SLC12A6: variants seen among roughly 807,000 people sequenced by gnomAD.
SLC12A6 encodes K-Cl cotransporter 3.
SLC12A6 carries 66 observed loss-of-function variants against 135.3 expected under a neutral mutation model. That is an observed-to-expected ratio of 0.49 (90% confidence interval 0.40 to 0.60). The LOEUF (loss-of-function observed/expected upper bound fraction) is 0.60, where lower values mean the gene tolerates loss of function less well. Among genes scored for constraint, SLC12A6 ranks in the 20% least tolerant of loss-of-function variants. SLC12A6 has a pLI of 0.00. For missense variants in SLC12A6, 1,058 were observed against 1,452.3 expected, an observed-to-expected ratio of 0.73 and a Z score of 4.41; for synonymous variants, 513 against 508.8, an observed-to-expected ratio of 1.01 and a Z score of -0.11.
At chr15:34,236,871 A>C in intron 22 of SLC12A6, 56 bp from the exon 23 acceptor site, 2 of 975,322 alleles carry the variant, frequency 2.1e-6, no homozygotes, top group Admixed American at 3.4e-5. Flanking sequence ...AGAAGGATGA[A>C]CCATACATTT....
chr15:34,274,630 T>C (rs1308631913), intron 3 of SLC12A6, among the ~76,000 whole-genome samples: 1 of 152,184 alleles, frequency 6.6e-6, no homozygotes, highest in East Asian at 1.9e-4. Context: ...CTGGCCGACA[T>C]GGTGAAACCC....
At chr15:34,300,813 A>G (rs1160246048) in intron 2 of SLC12A6, among the ~76,000 whole-genome samples, 1 of 151,242 alleles carries the variant, frequency 6.6e-6, no homozygotes, top group Non-Finnish European at 1.5e-5. Context: ...AAAAAAAAAA[A>G]AAGAATGAGA....
At position 34,236,756 on chromosome 15, in the gene SLC12A6, G is replaced by A. The variant is rs1217075969; in HGVS notation, c.2994C>T (p.Ser998=). 2 of 1,612,492 alleles carry A rather than the reference G, an allele frequency of 1.2e-6. No homozygotes were observed. The highest frequency in any genetic ancestry group is 1.7e-4 in the Middle Eastern group (1 of 6,060). The change falls in exon 23 of 26, where the codon TCC becomes TCT. Residue 998 remains serine, a synonymous_variant. Coordinates refer to ENST00000354181, the MANE Select transcript of SLC12A6 (RefSeq NM_001365088.1). ...ATAGCCGCATGTGCCGGAGCATCTG[G>A]GACCTTTGTTCCATCATCAAAGTGC... The part of the protein sequence containing the change: ...YERTLMMEQR[S]QMLRHMRLSK...
At chr15:34,285,197 A>C (rs1341630186) in intron 2 of SLC12A6, among the ~76,000 whole-genome samples, 2 of 152,236 alleles carry the variant, frequency 1.3e-5, no homozygotes, top group African/African-American at 4.8e-5. Flanking sequence ...GGGACCAAGC[A>C]AATAAACAGA....
chr15:34,333,128 C>T (rs770354887), intron 2 of SLC12A6, among the ~76,000 whole-genome samples: 4 of 151,344 alleles, frequency 2.6e-5, no homozygotes, highest in Non-Finnish European at 4.4e-5. Context: ...TGGTGCTTTT[C>T]AAAAAAATTA....
At chr15:34,284,287 T>C (rs1359554346) in intron 2 of SLC12A6, among the ~76,000 whole-genome samples, 1 of 141,342 alleles carries the variant, frequency 7.1e-6, no homozygotes, top group South Asian at 2.4e-4. Context: ...CTTTTTTTTT[T>C]TTTTTTTTTT....
chr15:34,245,255 G>T, intron 15 of SLC12A6, 30 bp downstream of exon 15: 1 of 1,141,634 alleles, frequency 8.8e-7, no homozygotes, highest in Non-Finnish European at 1.3e-6. Context: ...ATTTAAGCAA[G>T]AATAACTGAA....
chr15:34,237,334 A>G (rs1288901505), intron 22 of SLC12A6, 85 bp downstream of exon 22: 12 of 1,351,224 alleles, frequency 8.9e-6, no homozygotes, highest in African/African-American at 1.4e-5. Flanking sequence ...GATCTGAAAA[A>G]TTTCCCAAAC....
chr15:34,243,036 G>T (rs1279883188), intron 16 of SLC12A6, among the ~76,000 whole-genome samples: 2 of 152,122 alleles, frequency 1.3e-5, no homozygotes, highest in African/African-American at 4.8e-5. Context: ...TGGGATTACA[G>T]GCATGTGCCA....
At chr15:34,270,232 T>C (rs116393392) in intron 3 of SLC12A6, among the ~76,000 whole-genome samples, 3,575 of 151,582 alleles carry the variant, frequency 0.024, 228 homozygotes, top group African/African-American at 0.083. Flanking sequence ...GGACTACAGG[T>C]GTGTGCCACC....
intron 2 of SLC12A6, among the ~76,000 whole-genome samples, chr15:34,301,660 G>A (rs7168361): frequency 0.027 from 4,149 of 152,254 alleles, 191 homozygotes; most frequent in African/African-American, 0.095. Flanking sequence ...CTTAGCAATC[G>A]TCTCTTTGAT....
At chr15:34,281,259 A>G (rs1894661424) in intron 2 of SLC12A6, among the ~76,000 whole-genome samples, 1 of 152,158 alleles carries the variant, frequency 6.6e-6, no homozygotes, top group Non-Finnish European at 1.5e-5. Flanking sequence ...AATTACATTG[A>G]TCTGATCACT....
At chr15:34,300,978 G>A (rs1896213479) in intron 2 of SLC12A6, among the ~76,000 whole-genome samples, 1 of 151,834 alleles carries the variant, frequency 6.6e-6, no homozygotes, top group Non-Finnish European at 1.5e-5. Context: ...CAACATTTTT[G>A]TTTTTTTGAG....
chr15:34,328,266 G>A (rs1889608990), intron 2 of SLC12A6, among the ~76,000 whole-genome samples: 2 of 152,040 alleles, frequency 1.3e-5, no homozygotes, highest in African/African-American at 4.8e-5. Context: ...ACATCCAAAG[G>A]TAACTTCAAA....
chr15:34,256,128 C>T lies in SLC12A6; in HGVS notation c.745+101G>A. The T allele has an allele frequency of 6.3e-6, 5 of 789,596 alleles. No individual in the cohort carries two copies. In the Middle Eastern group the frequency reaches 8.9e-4, roughly 141 times the overall value. The allele number at this position is 789,596 out of a possible 1,614,324, so 48.9% of individuals were successfully genotyped here. ...TACTCTGTTGTAGCACAGAACAGAC[C>T]AAATAGTATTCTATTCTTCAGAAGT... On this transcript the variant is annotated intron_variant, in intron 7 of 25. Coordinates refer to ENST00000354181, the MANE Select transcript of SLC12A6 (RefSeq NM_001365088.1).
Position 34,301,787 on chromosome 15 carries a change from C to T in SLC12A6, c.272-26398G>A, listed in dbSNP as rs995240936. ...GGCGGATCACCTGAGGTCAGGAGTTCGAGACCAGCCTGCAGATCTGCCACT... is the reference window on the plus strand; with the variant it reads ...GGCGGATCACCTGAGGTCAGGAGTTTGAGACCAGCCTGCAGATCTGCCACT... On this transcript the variant is annotated intron_variant, in intron 2 of 25. Transcript: ENST00000354181. Among the ~76,000 whole-genome samples, 9 of 152,266 alleles carry T rather than the reference C, an allele frequency of 5.9e-5. No individual in the cohort carries two copies. In the South Asian group the frequency reaches 6.2e-4, roughly 11 times the overall value.
At chr15:34,235,426 A>C in intron 24 of SLC12A6, 112 bp from the exon 25 acceptor site, 1 of 752,988 alleles carries the variant, frequency 1.3e-6, no homozygotes, top group Non-Finnish European at 2.1e-6. Context: ...TAATCTGATA[A>C]AATGATTTTT....
rs767245568 is a variant in SLC12A6 at position 34,238,324 on chromosome 15, C to A, written c.2710G>T (p.Glu904Ter). Residue 904 changes from glutamate (E) to a stop codon, truncating the protein, a stop_gained, in exon 21 of 26, where the codon GAG (glutamate) becomes TAG (stop). Coordinates refer to ENST00000354181, the MANE Select transcript of SLC12A6 (RefSeq NM_001365088.1). LOFTEE classifies it high-confidence loss of function. ...TCAATGTTGCCCTCAGAAAATTGCT[C>A]CACATTGCTGGGAAAGAAGGAGATG... ...KNISFFPSNV[E>*]QFSEGNIDVW... is the part of the protein sequence containing the mutation. 2 of 1,613,760 alleles carry A rather than the reference C, an allele frequency of 1.2e-6. No homozygotes were observed. Among genetic ancestry groups the A allele is most frequent in the Non-Finnish European group, 1.7e-6 (2 of 1,179,634 alleles).
chr15:34,257,445 AATAG>A (rs1385708398), intron 6 of SLC12A6, 193 bp downstream of exon 6: 2 of 575,882 alleles, frequency 3.5e-6, no homozygotes, highest in South Asian at 4.0e-5. Flanking sequence ...TACATCATAT[AATAG>A]ATAGCAAGCA....
Sources: gnomAD v4.1 joint callset for allele counts (sites outside exome capture counted in the v4.1 genomes callset) on GRCh38, gnomAD v4.1.1 for gene constraint, MANE v1.5 for transcripts, NCBI Gene and HGNC (gene_info 2026-07-23, HGNC 2026-07-21) for gene names.